LTBP2: variants seen among roughly 807,000 people sequenced by gnomAD.
LTBP2 encodes the protein latent transforming growth factor beta binding protein 2, also known as latent-transforming growth factor beta-binding protein 2.
LTBP2 carries 103 observed loss-of-function variants against 210.6 expected under a neutral mutation model. The observed-to-expected ratio is 0.49, with a 90% CI of 0.42 to 0.58. The LOEUF (loss-of-function observed/expected upper bound fraction) is 0.58. Among genes scored for constraint, LTBP2 ranks in the 20% least tolerant of loss-of-function variants. The pLI is 0.00. For missense variants in LTBP2, 2,313 were observed against 2,494.5 expected (o/e 0.93, Z 1.55); for synonymous variants, 1,007 against 1,015.0 (o/e 0.99, Z 0.15).
intron 3 of LTBP2, among the ~76,000 whole-genome samples, chr14:74,568,989 C>A (rs1448105055): frequency 6.6e-6 from 1 of 152,284 alleles, no homozygotes; most frequent in Admixed American, 6.5e-5. Context: ...ATTACCCACA[C>A]TGCCCAGGGA....
intron 3 of LTBP2, among the ~76,000 whole-genome samples, chr14:74,573,381 G>A (rs1323887190): frequency 6.6e-6 from 1 of 152,210 alleles, no homozygotes; most frequent in African/African-American, 2.4e-5. Flanking sequence ...TCTGAGTCCT[G>A]GGAGATTCCT....
At chr14:74,527,610 T>C (rs900564788) in intron 12 of LTBP2, among the ~76,000 whole-genome samples, 14 of 152,344 alleles carry the variant, frequency 9.2e-5, no homozygotes, top group African/African-American at 3.1e-4. Context: ...AGCCTCTCAC[T>C]TGGTAAGCGG....
rs1010308167 is a variant in LTBP2 at position 74,611,972 on chromosome 14, C to G, written c.-28G>C. The G allele has an allele frequency of 2.6e-6, 4 of 1,531,622 alleles. No homozygotes were observed. The East Asian group carries it at 7.1e-5, about 27-fold the overall frequency. 94.9% of individuals were successfully genotyped at this position (1,531,622 alleles called of 1,614,324 possible). A position where few individuals can be genotyped will look rare whatever the true frequency, so the allele number is the denominator to read the frequency against. ...CGCGGGGCGGCTGGAGAGTGGTGCG[C>G]GCGGGCACCGCGAAGAGCTTTGTGG... is the stretch of plus-strand genomic sequence containing the variant. On this transcript the variant is annotated 5_prime_UTR_variant, in exon 1 of 36. Coordinates refer to ENST00000261978, the MANE Select transcript of LTBP2 (RefSeq NM_000428.3).
rs1398983058 is a variant in LTBP2, at chr14:74,498,500, A to C, written c.*2384T>G. Reference sequence around the variant, plus strand: ...TCAATGGAATAGTATACAGCTGTAAAATGAAATGAGGCAGCTCTAATTGCA... The same window carrying C: ...TCAATGGAATAGTATACAGCTGTAACATGAAATGAGGCAGCTCTAATTGCA... On this transcript the variant is annotated 3_prime_UTR_variant, in exon 36 of 36. Transcript: ENST00000261978. 2 of 221,344 alleles carry C rather than the reference A, an allele frequency of 9.0e-6. No homozygotes were observed. The highest frequency in any genetic ancestry group is 4.5e-5 in the African/African-American group (2 of 44,726). 13.7% of individuals were successfully genotyped at this position (221,344 alleles called of 1,614,324 possible).
chr14:74,549,775 G>A, intron 8 of LTBP2, 88 bp downstream of exon 8: 1 of 1,117,920 alleles, frequency 8.9e-7, no homozygotes, highest in East Asian at 2.3e-5. Context: ...CCTGGCCTCT[G>A]ACATCCTGGA....
At chr14:74,574,791 CA>C (rs2088033863) in intron 3 of LTBP2, among the ~76,000 whole-genome samples, 3 of 152,300 alleles carry the variant, frequency 2.0e-5, no homozygotes, top group Admixed American at 2.0e-4. Context: ...AAAAGGGAGT[CA>C]CTAGGTTGTC....
chr14:74,501,803 G>A, intron 34 of LTBP2: 1 of 606,118 alleles, frequency 1.6e-6, no homozygotes, highest in Non-Finnish European at 2.9e-6. Flanking sequence ...GGGGAGAGGT[G>A]CTCTGGGCTT....
At chr14:74,519,491 T>C (rs1042240803) in intron 17 of LTBP2, among the ~76,000 whole-genome samples, 1 of 150,954 alleles carries the variant, frequency 6.6e-6, no homozygotes, top group Non-Finnish European at 1.5e-5. Flanking sequence ...ATTTATCTTA[T>C]TGATAATATA....
chr14:74,552,000 C>T (rs1378165808), intron 6 of LTBP2, among the ~76,000 whole-genome samples, 187 bp downstream of exon 6: 1 of 152,128 alleles, frequency 6.6e-6, no homozygotes, highest in Non-Finnish European at 1.5e-5. Flanking sequence ...CGATAAATTC[C>T]GATGGGAGGG....
Position 74,604,164 on chromosome 14 carries a change from C to CAAAAAAAAAAAAAAAAAAAAA in LTBP2, c.495-460_495-459insTTTTTTTTTTTTTTTTTTTTT, listed in dbSNP as rs59313477. Among the ~76,000 whole-genome samples, 314 of 72,612 alleles carry CAAAAAAAAAAAAAAAAAAAAA rather than the reference C, an allele frequency of 4.3e-3. 8 individuals carry two copies. The highest frequency in any genetic ancestry group is 0.012 in the African/African-American group (156 of 13,388). The allele number at this position is 72,612 out of a possible 152,430, so 47.6% of individuals were successfully genotyped here. ...GCTCCAACTCTACATTGCCTCTCAC[C>CAAAAAAAAAAAAAAAAAAAAA]AAAAAAAAAAAAAAAAAAAACCACA... On this transcript the variant is annotated intron_variant, in intron 1 of 35. Coordinates refer to ENST00000261978, the MANE Select transcript of LTBP2 (RefSeq NM_000428.3).
intron 9 of LTBP2, among the ~76,000 whole-genome samples, 187 bp downstream of exon 9, chr14:74,535,739 G>A (rs747085890): frequency 6.6e-5 from 10 of 152,090 alleles, no homozygotes; most frequent in Non-Finnish European, 1.3e-4. Context: ...GGCTTCCTCT[G>A]TCACTCTCAA....
intron 32 of LTBP2, 24 bp from the exon 33 acceptor site, chr14:74,503,410 A>T: frequency 1.2e-6 from 2 of 1,610,812 alleles, no homozygotes; most frequent in Non-Finnish European, 1.7e-6. Flanking sequence ...GCACGGAGGC[A>T]CATGAGCCCC....
intron 27 of LTBP2, 138 bp downstream of exon 27, chr14:74,506,560 T>C: frequency 7.2e-7 from 1 of 1,387,990 alleles, no homozygotes. Context: ...AGTTGAAGTC[T>C]CCCTCTTCTT....
intron 18 of LTBP2, among the ~76,000 whole-genome samples, chr14:74,514,879 T>A (rs946901997): frequency 7.9e-5 from 12 of 152,108 alleles, no homozygotes; most frequent in Admixed American, 7.9e-4. Context: ...CCTGGAGAAG[T>A]GTGCGGGCTA....
At chr14:74,550,034 C>G (rs779342081) in intron 7 of LTBP2, 69 bp from the exon 8 acceptor site, 2 of 1,049,388 alleles carry the variant, frequency 1.9e-6, no homozygotes, top group Non-Finnish European at 3.0e-6. Context: ...AGAGATGTCC[C>G]GGGAAAGCCT....
chr14:74,507,932 G>T (rs1184527946), intron 25 of LTBP2, 41 bp downstream of exon 25: 1 of 1,610,904 alleles, frequency 6.2e-7, no homozygotes, highest in African/African-American at 1.3e-5. Flanking sequence ...GAGATGGGCA[G>T]ATGTGGGCAG....
chr14:74,504,081 G>A (rs769215544), intron 30 of LTBP2, 27 bp from the exon 31 acceptor site: 22 of 1,612,726 alleles, frequency 1.4e-5, no homozygotes, highest in South Asian at 9.9e-5. Flanking sequence ...TGAGGTGAGA[G>A]GAAGGTGAGA....
At chr14:74,530,034 C>A (rs564316847) in intron 10 of LTBP2, among the ~76,000 whole-genome samples, 1 of 152,340 alleles carries the variant, frequency 6.6e-6, no homozygotes, top group South Asian at 2.1e-4. Flanking sequence ...TGGGCCTTAG[C>A]TTCTTCACGT....
At chr14:74,585,709 A>G (rs2088194752) in intron 3 of LTBP2, 145 bp downstream of exon 3, 1 of 1,325,454 alleles carries the variant, frequency 7.5e-7, no homozygotes. Flanking sequence ...TGGCCATGCC[A>G]GGGAAAGCCA....
Sources: gnomAD v4.1 joint callset for allele counts (sites outside exome capture counted in the v4.1 genomes callset) on GRCh38, gnomAD v4.1.1 for gene constraint, MANE v1.5 for transcripts, NCBI Gene and HGNC (gene_info 2026-07-23, HGNC 2026-07-21) for gene names.